The following SLC43A2 variants were observed in gnomAD, a reference collection of about 807,000 sequenced individuals.
SLC43A2 encodes large neutral amino acids transporter small subunit 4.
A neutral mutation model predicts 63.2 loss-of-function variants in SLC43A2; 38 were observed. That is an observed-to-expected ratio of 0.60 (90% CI 0.46 to 0.79). SLC43A2 has a LOEUF of 0.79. SLC43A2 is among the 30% of genes least tolerant of loss of function. The pLI is 0.00. For synonymous variants in SLC43A2, 322 were observed against 331.0 expected, an observed-to-expected ratio of 0.97 and a Z score of 0.30; for missense variants, 644 against 756.2, an observed-to-expected ratio of 0.85 and a Z score of 1.74.
chr17:1,594,948 A>G (rs974984807), intron 5 of SLC43A2, among the ~76,000 whole-genome samples: 1 of 152,040 alleles, frequency 6.6e-6, no homozygotes, highest in Non-Finnish European at 1.5e-5. Context: ...CTGCAATCCC[A>G]GAGTGCTGCC....
At position 1,575,462 on chromosome 17, in the gene SLC43A2, G is replaced by C. The variant is rs561879491; in HGVS notation, c.*142C>G. 6 of 1,111,228 alleles carry C rather than the reference G, an allele frequency of 5.4e-6. No homozygotes were observed. The highest frequency in any genetic ancestry group is 7.9e-6 in the Non-Finnish European group (6 of 760,250). 68.8% of individuals were successfully genotyped at this position (1,111,228 alleles called of 1,614,324 possible). A position where few individuals can be genotyped will look rare whatever the true frequency, so the allele number is the denominator to read the frequency against. ...TCCCGTCCTTCCACCACAGAGCTCC[G>C]AGGCAGGGCCCCGGGAGGGAGCGTG... On this transcript the variant is annotated 3_prime_UTR_variant, in exon 14 of 14. Coordinates refer to ENST00000301335, the MANE Select transcript of SLC43A2 (RefSeq NM_152346.3).
chr17:1,577,009 C>T lies in SLC43A2; in HGVS notation c.1425-289G>A, dbSNP rs555561294. Among the ~76,000 whole-genome samples the T allele has an allele frequency of 7.2e-5, 11 of 152,184 alleles. No individual in the cohort carries two copies. The highest frequency in any genetic ancestry group is 4.1e-4 in the South Asian group (2 of 4,820). ...CCTCCCTAGTAGCTGGGATTACAGG[C>T]GCCCGCCACCACATCTGGCTAATTT... On this transcript the variant is annotated intron_variant, in intron 12 of 13. Coordinates refer to ENST00000301335, the MANE Select transcript of SLC43A2 (RefSeq NM_152346.3). The surrounding 1 kb of genome is among the most constrained non-coding windows in gnomAD (Gnocchi z 4.9).
rs1159452997 is a variant in SLC43A2 at position 1,571,697 on chromosome 17, G to A, written c.*3907C>T. The A allele has an allele frequency of 2.0e-5, 3 of 152,372 alleles. No individual in the cohort carries two copies. The highest frequency in any genetic ancestry group is 6.5e-5 in the Admixed American group (1 of 15,270). 9.4% of individuals were successfully genotyped at this position (152,372 alleles called of 1,614,324 possible). ...CCAGGACGATGCTGGGTGCAAGAGG[G>A]GACGGGGATGGAGCAAAACAGAAAG... On this transcript the variant is annotated 3_prime_UTR_variant, in exon 14 of 14. Coordinates refer to ENST00000301335, the MANE Select transcript of SLC43A2 (RefSeq NM_152346.3). This position sits in a 1 kb window ranked among gnomAD's most constrained non-coding sequence, Gnocchi z 5.2.
intron 5 of SLC43A2, among the ~76,000 whole-genome samples, chr17:1,599,350 A>C (rs1390046382): frequency 1.3e-5 from 2 of 151,926 alleles, no homozygotes; most frequent in Admixed American, 1.3e-4. Context: ...AAAAAAGAAA[A>C]GAAAAGCATA....
intron 5 of SLC43A2, among the ~76,000 whole-genome samples, chr17:1,594,672 C>T (rs1905119427): frequency 6.8e-6 from 1 of 146,828 alleles, no homozygotes; most frequent in East Asian, 2.1e-4. Flanking sequence ...ACTGCAAGCT[C>T]CGCCTCCCAG....
intron 11 of SLC43A2, among the ~76,000 whole-genome samples, chr17:1,581,844 C>T (rs764857942): frequency 1.7e-4 from 25 of 149,820 alleles, no homozygotes; most frequent in Admixed American, 3.3e-4. Flanking sequence ...CTCACTCTGT[C>T]GCCCAGGCTG....
chr17:1,590,530 C>G (rs973906752), intron 9 of SLC43A2, among the ~76,000 whole-genome samples: 2 of 152,192 alleles, frequency 1.3e-5, no homozygotes, highest in Non-Finnish European at 2.9e-5. Context: ...AACCCTCCCC[C>G]TCAGGCACTG....
Position 1,572,280 on chromosome 17 carries a change from G to GC in SLC43A2, c.*3323_*3324insG, listed in dbSNP as rs1383314406. On this transcript the variant is annotated 3_prime_UTR_variant, in exon 14 of 14. Transcript: ENST00000301335. ...CAGAGGCCCCCCCCCCGCCACAGAGGTCCCCCCTGCCACAGAGGTCCCCCT... is the reference window on the plus strand; with the variant it reads ...CAGAGGCCCCCCCCCCGCCACAGAGGCTCCCCCCTGCCACAGAGGTCCCCCT... 9.2e-6 allele frequency: 1 copy of GC among 108,894 alleles called. No individual in the cohort carries two copies. The highest frequency in any genetic ancestry group is 1.9e-5 in the Non-Finnish European group (1 of 52,980). 6.7% of individuals were successfully genotyped at this position (108,894 alleles called of 1,614,324 possible).
At chr17:1,581,485 G>T (rs955872186) in intron 11 of SLC43A2, among the ~76,000 whole-genome samples, 1 of 152,162 alleles carries the variant, frequency 6.6e-6, no homozygotes, top group African/African-American at 2.4e-5. Context: ...GTGTTGGCAC[G>T]TACACACAAC....
chr17:1,603,654 G>A (rs567279651), intron 5 of SLC43A2, among the ~76,000 whole-genome samples: 34 of 152,068 alleles, frequency 2.2e-4, no homozygotes, highest in African/African-American at 5.8e-4. Flanking sequence ...GCGTGGTGGC[G>A]TGCACCTGTA....
Position 1,613,178 on chromosome 17 carries a change from A to T in SLC43A2, c.501+17T>A. On this transcript the variant is annotated intron_variant, in intron 5 of 13. Coordinates refer to ENST00000301335, the MANE Select transcript of SLC43A2 (RefSeq NM_152346.3). The stretch of plus-strand genomic sequence containing the variant: ...ACAGATTACTGAACTACAGAGCTTT[A>T]AAAAATCTGTACTCACTGTTAATGA... The T allele has an allele frequency of 6.2e-7, 1 of 1,603,820 alleles. No homozygotes were observed. The highest frequency in any genetic ancestry group is 8.5e-7 in the Non-Finnish European group (1 of 1,171,038).
At chr17:1,621,364 T>C (rs1454068334) in intron 2 of SLC43A2, among the ~76,000 whole-genome samples, 2 of 152,118 alleles carry the variant, frequency 1.3e-5, no homozygotes, top group African/African-American at 4.8e-5. Context: ...CTAGTCGCTT[T>C]CCGAGCCCCC....
At position 1,616,596 on chromosome 17, in the gene SLC43A2, T is replaced by C. The variant is rs145823476; in HGVS notation, c.334A>G (p.Lys112Glu). 9 of 1,613,854 alleles carry C rather than the reference T, an allele frequency of 5.6e-6. No homozygotes were observed. Among genetic ancestry groups the C allele is most frequent in the Non-Finnish European group, 7.6e-6 (9 of 1,179,900 alleles). The change falls in exon 3 of 14, where the codon AAG (lysine) becomes GAG (glutamate). Residue 112 changes from lysine (K) to glutamate (E), a missense_variant. Coordinates refer to ENST00000301335, the MANE Select transcript of SLC43A2 (RefSeq NM_152346.3). ...ITLPLGIVMD[K>E]YGPRKLRLLG... ...AGCCTGAGCTTCCTCGGGCCATACT[T>C]GTCCATGACGATACCCAGGGGCAGG...
At chr17:1,623,507 T>G (rs1908348797) in intron 2 of SLC43A2, among the ~76,000 whole-genome samples, 1 of 152,070 alleles carries the variant, frequency 6.6e-6, no homozygotes. Flanking sequence ...ATGGTCGCCC[T>G]CCTCTATCTC....
At chr17:1,614,953 A>G in intron 4 of SLC43A2, 26 bp downstream of exon 4, 1 of 1,612,722 alleles carries the variant, frequency 6.2e-7, no homozygotes, top group Non-Finnish European at 8.5e-7. Flanking sequence ...GGTCCCTGAC[A>G]GAAGATGGAG....
At position 1,583,455 on chromosome 17, in the gene SLC43A2, C is replaced by T; in HGVS notation, c.1218-119G>A. On this transcript the variant is annotated intron_variant, in intron 10 of 13. Transcript: ENST00000301335. This position sits in a 1 kb window ranked among gnomAD's most constrained non-coding sequence, Gnocchi z 5.5. ...ACTGACGCAAGACTCAGAAGCCACC[C>T]AGGCACGTTTTAGGGACTGTGTCGG... 6.6e-7 allele frequency: 1 copy of T among 1,521,052 alleles called. No individual in the cohort carries two copies. The highest frequency in any genetic ancestry group is 1.2e-5 in the South Asian group (1 of 80,512). 94.2% of individuals were successfully genotyped at this position (1,521,052 alleles called of 1,614,324 possible).
intron 9 of SLC43A2, among the ~76,000 whole-genome samples, chr17:1,588,509 A>G (rs1418012603): frequency 6.6e-6 from 1 of 151,670 alleles, no homozygotes; most frequent in African/African-American, 2.4e-5. Context: ...TGGGAAAAAT[A>G]GCAAGACCTT....
intron 5 of SLC43A2, among the ~76,000 whole-genome samples, chr17:1,612,614 C>T (rs1199286737): frequency 6.6e-6 from 1 of 152,262 alleles, no homozygotes; most frequent in Non-Finnish European, 1.5e-5. Context: ...GTCTTCCTGC[C>T]TCTGCCTTCC....
At chr17:1,608,087 C>CAT (rs1473535966) in intron 5 of SLC43A2, among the ~76,000 whole-genome samples, 17 of 152,154 alleles carry the variant, frequency 1.1e-4, no homozygotes, top group African/African-American at 4.1e-4. Context: ...TGATGAGATA[C>CAT]CACAAAAGCA....
Sources: allele counts gnomAD v4.1 joint callset (sites outside exome capture counted in the v4.1 genomes callset), GRCh38; gene constraint gnomAD v4.1.1; non-coding constraint Gnocchi (gnomAD v3.1); transcripts MANE v1.5; gene names NCBI Gene and HGNC (gene_info 2026-07-23, HGNC 2026-07-21).